WFS1: variants seen among roughly 807,000 people sequenced by gnomAD.
WFS1 encodes the protein wolframin.
WFS1 carries 90 observed loss-of-function variants against 68.5 expected under a neutral mutation model. That is an observed-to-expected ratio of 1.31 (90% CI 1.11 to 1.56). The LOEUF is 1.56. Ranked by LOEUF, WFS1 falls within the 40% of genes most tolerant of loss-of-function variation. The pLI is 0.00. For missense variants in WFS1, 1,767 were observed against 1,232.6 expected (o/e 1.43, Z -6.49); for synonymous variants, 860 against 540.7 (o/e 1.59, Z -8.19).
chr4:6,301,353 C>G lies in WFS1; in HGVS notation c.1558C>G (p.Gln520Glu), dbSNP rs377544135. The change falls in exon 8 of 8, where the codon CAG (glutamine) becomes GAG (glutamate). Residue 520 changes from glutamine to glutamate, a missense_variant. Transcript: ENST00000226760. ...YLLYLFFRMAQLRNFKGTYCY... is the reference protein window; with the variant it reads ...YLLYLFFRMAELRNFKGTYCY... ...GCTCTATCTCTTCTTCCGCATGGCA[C>G]AGCTGAGGAATTTCAAGGGCACCTA... 1.7e-5 allele frequency: 27 copies of G among 1,612,356 alleles called. No individual in the cohort carries two copies. The Admixed American group carries it at 2.8e-4, about 17-fold the overall frequency.
rs547872541 is a variant in WFS1, at chr4:6,297,082, G to T, written c.861+1893G>T. ...TGGGTCAAGCGAGCCTCCCACTTTG[G>T]CCTCCCACACTGCTGGGATTCAGGC... On this transcript the variant is annotated intron_variant, in intron 7 of 7. Transcript: ENST00000226760. 2.6e-5 allele frequency among the ~76,000 whole-genome samples: 4 copies of T among 152,248 alleles called. No homozygotes were observed. The East Asian group carries it at 7.7e-4, about 29-fold the overall frequency.
chr4:6,270,417 C>A (rs890528742), intron 1 of WFS1, among the ~76,000 whole-genome samples: 1 of 151,698 alleles, frequency 6.6e-6, no homozygotes, highest in African/African-American at 2.4e-5. Flanking sequence ...CGGCCGCCCT[C>A]GGTGCCCGCC....
At position 6,285,078 on chromosome 4, in the gene WFS1, C is replaced by T. The variant is rs555869138; in HGVS notation, c.233-2015C>T. Among the ~76,000 whole-genome samples the T allele has an allele frequency of 2.2e-4, 34 of 151,674 alleles. 1 individual carries two copies. In the South Asian group the frequency reaches 6.8e-3, roughly 30 times the overall value. On this transcript the variant is annotated intron_variant, in intron 2 of 7. Transcript: ENST00000226760. ...GTGGGTGTCCAAAAGGGCTGCCCTG[C>T]GGGACCTGATGCCATCTCTGAGCAG...
chr4:6,301,819 C>T lies in WFS1; in HGVS notation c.2024C>T (p.Pro675Leu), dbSNP rs1730936042. 1.9e-6 allele frequency: 3 copies of T among 1,613,268 alleles called. No homozygotes were observed. Among genetic ancestry groups the T allele is most frequent in the Non-Finnish European group, 1.7e-6 (2 of 1,180,026 alleles). Reference protein sequence around the residue: ...TWQQYGALCGPRAWKETNMAR... With the variant: ...TWQQYGALCGLRAWKETNMAR... Reference sequence around the variant, plus strand: ...CAGCAGTATGGTGCGCTGTGCGGGCCACGCGCCTGGAAGGAGACCAACATG... The same window carrying T: ...CAGCAGTATGGTGCGCTGTGCGGGCTACGCGCCTGGAAGGAGACCAACATG... Residue 675 changes from proline (P) to leucine (L), a missense_variant, in exon 8 of 8, where the codon CCA becomes CTA. By Grantham distance (98) the Pro-to-Leu change is moderately conservative (BLOSUM62 -3). Coordinates refer to ENST00000226760, the MANE Select transcript of WFS1 (RefSeq NM_006005.3).
rs1324272693 is a variant in WFS1, at chr4:6,277,612, G to A, written c.157G>A (p.Gly53Ser). The A allele has an allele frequency of 6.3e-7, 1 of 1,575,756 alleles. No homozygotes were observed. Among genetic ancestry groups the A allele is most frequent in the Non-Finnish European group, 8.6e-7 (1 of 1,160,940 alleles). ...APGPQAGPGP[G>S]VRDAAAPAEP... ...CGGACCCCAGGCTGGCCCTGGCCCT[G>A]GTGTTAGAGACGCAGCGGCCCCCGC... Residue 53 changes from glycine to serine, a missense_variant, in exon 2 of 8, where the codon GGT becomes AGT. By Grantham distance (56) the Gly-to-Ser change is moderately conservative. Coordinates refer to ENST00000226760, the MANE Select transcript of WFS1 (RefSeq NM_006005.3).
Position 6,302,087 on chromosome 4 carries a change from C to A in WFS1, c.2292C>A (p.Pro764=). ...GCCTTAAGCTGCTGGCCAAGCACCC[C>A]TGCCACATCAAGAAGTTCGACCGCT... is the stretch of plus-strand genomic sequence containing the variant. The part of the protein sequence containing the change: ...LCRLKLLAKH[P]CHIKKFDRYK... The change falls in exon 8 of 8, where the codon CCC becomes CCA. Residue 764 remains proline (P), a synonymous_variant. Coordinates refer to ENST00000226760, the MANE Select transcript of WFS1 (RefSeq NM_006005.3). 6.2e-7 allele frequency: 1 copy of A among 1,612,924 alleles called. No homozygotes were observed. Among genetic ancestry groups the A allele is most frequent in the Non-Finnish European group, 8.5e-7 (1 of 1,180,018 alleles).
intron 4 of WFS1, among the ~76,000 whole-genome samples, chr4:6,289,780 A>G (rs1323237076): frequency 6.6e-6 from 1 of 152,244 alleles, no homozygotes; most frequent in African/African-American, 2.4e-5. Context: ...TGGGTGTCAC[A>G]AAGGTGTTTT....
rs4343789 is a variant in WFS1, at chr4:6,283,501, C to A, written c.233-3592C>A. Among the ~76,000 whole-genome samples the A allele has an allele frequency of 6.6e-6, 1 of 152,004 alleles. No homozygotes were observed. The highest frequency in any genetic ancestry group is 1.9e-4 in the East Asian group (1 of 5,186). Reference sequence around the variant, plus strand: ...GCTCAGATGATGTCATCAGGAAGTACTCCCCCGCCCCCATTCCACTCTGCT... The same window carrying A: ...GCTCAGATGATGTCATCAGGAAGTAATCCCCCGCCCCCATTCCACTCTGCT... On this transcript the variant is annotated intron_variant, in intron 2 of 7. Coordinates refer to ENST00000226760, the MANE Select transcript of WFS1 (RefSeq NM_006005.3). This position sits in a 1 kb window ranked among gnomAD's most constrained non-coding sequence, Gnocchi z 5.0.
In WFS1 at chr4:6,302,970, G is replaced by A. The variant is rs1231457619; in HGVS notation, c.*502G>A. On this transcript the variant is annotated 3_prime_UTR_variant, in exon 8 of 8. Transcript: ENST00000226760. ...GGGATGTGCACGGCAGCTTGAGCCTGTCACGTGGTCAAGGCCCGGCCCCAT... is the reference window on the plus strand; with the variant it reads ...GGGATGTGCACGGCAGCTTGAGCCTATCACGTGGTCAAGGCCCGGCCCCAT... 4 of 175,842 alleles carry A rather than the reference G, an allele frequency of 2.3e-5. No individual in the cohort carries two copies. In the South Asian group the frequency reaches 3.8e-4, roughly 17 times the overall value. 10.9% of individuals were successfully genotyped at this position (175,842 alleles called of 1,614,324 possible). A position where few individuals can be genotyped will look rare whatever the true frequency, so the allele number is the denominator to read the frequency against.
At chr4:6,290,001 C>T (rs775010172) in intron 4 of WFS1, among the ~76,000 whole-genome samples, 44 of 152,264 alleles carry the variant, frequency 2.9e-4, no homozygotes, top group African/African-American at 9.9e-4. Context: ...TGCAGGGGTG[C>T]GATCTCAAGT....
Position 6,302,145 on chromosome 4 carries a change from A to C in WFS1, c.2350A>C (p.Ser784Arg), listed in dbSNP as rs1560421590. The change falls in exon 8 of 8, where the codon AGC (serine) becomes CGC (arginine). Residue 784 changes from serine to arginine, a missense_variant. Ser to Arg is a moderately radical substitution (Grantham distance 110). Transcript: ENST00000226760. ...TGAGATTACCGTGGGCATGCCATTC[A>C]GCAGCGGCGCTGACGGCTCGCGCAG... Reference protein sequence around the residue: ...KFEITVGMPFSSGADGSRSRE... With the variant: ...KFEITVGMPFRSGADGSRSRE... The C allele has an allele frequency of 6.2e-7, 1 of 1,612,858 alleles. No individual in the cohort carries two copies. Among genetic ancestry groups the C allele is most frequent in the African/African-American group, 1.3e-5 (1 of 74,950 alleles).
Position 6,287,267 on chromosome 4 carries a change from G to C in WFS1, c.315+92G>C. On this transcript the variant is annotated intron_variant, in intron 3 of 7. Coordinates refer to ENST00000226760, the MANE Select transcript of WFS1 (RefSeq NM_006005.3). The surrounding 1 kb of genome is among the most constrained non-coding windows in gnomAD (Gnocchi z 6.4). ...CTCCACAGCCCACAGAGAAGTGTCG[G>C]TGCCTGAGATCGGGGTCAGGAGCCA... 3 of 1,212,270 alleles carry C rather than the reference G, an allele frequency of 2.5e-6. No homozygotes were observed. The highest frequency in any genetic ancestry group is 3.6e-6 in the Non-Finnish European group (3 of 842,342). 75.1% of individuals were successfully genotyped at this position (1,212,270 alleles called of 1,614,324 possible).
chr4:6,272,972 A>G (rs942203054), intron 1 of WFS1, among the ~76,000 whole-genome samples: 5 of 152,214 alleles, frequency 3.3e-5, no homozygotes, highest in African/African-American at 1.2e-4. Flanking sequence ...TGAAAGTGCC[A>G]TATGATGGAC....
intron 7 of WFS1, among the ~76,000 whole-genome samples, 154 bp from the exon 8 acceptor site, chr4:6,300,503 G>A (rs998201444): frequency 6.6e-6 from 1 of 152,094 alleles, no homozygotes; most frequent in Non-Finnish European, 1.5e-5. Flanking sequence ...CTGGAGAAGG[G>A]GGGAGGGAGG....
At chr4:6,274,504 C>T (rs1729935186) in intron 1 of WFS1, among the ~76,000 whole-genome samples, 1 of 152,124 alleles carries the variant, frequency 6.6e-6, no homozygotes, top group Admixed American at 6.5e-5. Flanking sequence ...ACCGACGCCC[C>T]ACACCATGTT....
rs1345647286 is a variant in WFS1, at chr4:6,291,346, G to A, written c.610G>A (p.Val204Ile). ...QVAVAELLENVGQVNEHDGGA... is the reference protein window; with the variant it reads ...QVAVAELLENIGQVNEHDGGA... ...GGCCGTGGCGGAGCTGCTGGAGAAT[G>A]TCGGCCAGGTCAACGAGCACGGTGC... The change falls in exon 5 of 8, where the codon GTC becomes ATC. Residue 204 changes from valine to isoleucine, a missense_variant. Transcript: ENST00000226760. 2 of 1,612,944 alleles carry A rather than the reference G, an allele frequency of 1.2e-6. No individual in the cohort carries two copies. The highest frequency in any genetic ancestry group is 2.2e-5 in the East Asian group (1 of 44,874).
chr4:6,277,633 C>G lies in WFS1; in HGVS notation c.178C>G (p.Pro60Ala). The G allele has an allele frequency of 6.4e-7, 1 of 1,568,608 alleles. No individual in the cohort carries two copies. Among genetic ancestry groups the G allele is most frequent in the South Asian group, 1.2e-5 (1 of 85,286 alleles). The change falls in exon 2 of 8, where the codon CCC becomes GCC. Residue 60 changes from proline (P) to alanine (A), a missense_variant. Coordinates refer to ENST00000226760, the MANE Select transcript of WFS1 (RefSeq NM_006005.3). Reference protein sequence around the residue: ...PGPGVRDAAAPAEPQAQHTRS... With the variant: ...PGPGVRDAAAAAEPQAQHTRS... ...CCCTGGTGTTAGAGACGCAGCGGCC[C>G]CCGCTGAACCCCAGGCCCAGCATAC...
chr4:6,294,756 G>A, intron 6 of WFS1: 1 of 453,476 alleles, frequency 2.2e-6, no homozygotes, highest in Non-Finnish European at 4.1e-6. Context: ...AGTGGCCCCA[G>A]GCATAAGGAG....
In WFS1 at chr4:6,283,268, A is replaced by G. The variant is rs1192507169; in HGVS notation, c.233-3825A>G. Among the ~76,000 whole-genome samples, 4 of 152,228 alleles carry G rather than the reference A, an allele frequency of 2.6e-5. No homozygotes were observed. The East Asian group carries it at 7.7e-4, about 29-fold the overall frequency. ...CTCACAGAGGGAAGGAGACCTGCCC[A>G]TGGTATCCAGCTCTGATCACACTGC... On this transcript the variant is annotated intron_variant, in intron 2 of 7. Transcript: ENST00000226760. The surrounding 1 kb of genome is among the most constrained non-coding windows in gnomAD (Gnocchi z 5.0).
Sources: allele counts gnomAD v4.1 joint callset (sites outside exome capture counted in the v4.1 genomes callset), GRCh38; gene constraint gnomAD v4.1.1; non-coding constraint Gnocchi (gnomAD v3.1); transcripts MANE v1.5; gene names NCBI Gene and HGNC (gene_info 2026-07-23, HGNC 2026-07-21).